Variants in MAP2K5 observed in about 807,000 individuals in gnomAD.
The protein encoded by MAP2K5 is dual specificity mitogen-activated protein kinase kinase 5.
In MAP2K5, 49 loss-of-function variants were observed where a neutral mutation model predicts 83.1. That is an observed-to-expected ratio of 0.59 (90% CI 0.47 to 0.75). MAP2K5 has a LOEUF of 0.75. Ranked by LOEUF, MAP2K5 falls within the 30% of genes least tolerant of loss-of-function variation. The pLI, the probability that MAP2K5 is intolerant of heterozygous loss-of-function variation, is 0.00. For synonymous variants in MAP2K5, 202 were observed against 191.8 expected, an observed-to-expected ratio of 1.05 and a Z score of -0.44; for missense variants, 457 against 557.5, an observed-to-expected ratio of 0.82 and a Z score of 1.82.
Position 67,676,290 on chromosome 15 carries a change from G to A in MAP2K5, c.847+11645G>A, listed in dbSNP as rs1446712890. ...GGTAGAGGAGTTTATGGCATTGATT[G>A]TATGCCAGTGGATATTTGTTGGATG... On this transcript the variant is annotated intron_variant, in intron 13 of 21. Coordinates refer to ENST00000178640, the MANE Select transcript of MAP2K5 (RefSeq NM_145160.3). This position sits in a 1 kb window ranked among gnomAD's most constrained non-coding sequence, Gnocchi z 4.8. Among the ~76,000 whole-genome samples, 3 of 152,202 alleles carry A rather than the reference G, an allele frequency of 2.0e-5. No individual in the cohort carries two copies. Among genetic ancestry groups the A allele is most frequent in the East Asian group, 1.9e-4 (1 of 5,204 alleles).
rs1352330548 is a variant in MAP2K5 at position 67,755,138 on chromosome 15, C to T, written c.1134+6537C>T. On this transcript the variant is annotated intron_variant, in intron 19 of 21. Transcript: ENST00000178640. The surrounding 1 kb of genome is among the most constrained non-coding windows in gnomAD (Gnocchi z 4.7). ...TACAGGTGTGCACCACCACGCCCAG[C>T]TAATTTTTTTGTGTGTTTTTAGTAG... 1.3e-5 allele frequency among the ~76,000 whole-genome samples: 2 copies of T among 152,070 alleles called. No individual in the cohort carries two copies. The highest frequency in any genetic ancestry group is 2.9e-5 in the Non-Finnish European group (2 of 68,012).
chr15:67,598,066 A>G (rs1007969001), intron 7 of MAP2K5, among the ~76,000 whole-genome samples: 21 of 151,914 alleles, frequency 1.4e-4, no homozygotes, highest in Admixed American at 1.2e-3. Context: ...TTAGCCGGGC[A>G]TGGTGGCGTG....
Position 67,790,629 on chromosome 15 carries a change from G to A in MAP2K5, c.1243-16017G>A, listed in dbSNP as rs1256237441. Among the ~76,000 whole-genome samples, 4 of 152,220 alleles carry A rather than the reference G, an allele frequency of 2.6e-5. No homozygotes were observed. The highest frequency in any genetic ancestry group is 5.9e-5 in the Non-Finnish European group (4 of 68,012). On this transcript the variant is annotated intron_variant, in intron 21 of 21. Coordinates refer to ENST00000178640, the MANE Select transcript of MAP2K5 (RefSeq NM_145160.3). This position sits in a 1 kb window ranked among gnomAD's most constrained non-coding sequence, Gnocchi z 4.6. ...GTCTTTAGGGCTGAGGCTCAGAGGA[G>A]GGGCTGCTTACTGAGTGGTGAGGGT...
intron 8 of MAP2K5, among the ~76,000 whole-genome samples, chr15:67,601,714 C>T (rs970196704): frequency 3.3e-5 from 5 of 152,116 alleles, no homozygotes; most frequent in Non-Finnish European, 5.9e-5. Flanking sequence ...TAAAAATTGC[C>T]CTATTCTATG....
chr15:67,713,457 C>T (rs953863704), intron 16 of MAP2K5, among the ~76,000 whole-genome samples: 4 of 152,200 alleles, frequency 2.6e-5, no homozygotes, highest in African/African-American at 7.2e-5. Context: ...TGGCATGGGC[C>T]ATGTGTGGTA....
intron 16 of MAP2K5, among the ~76,000 whole-genome samples, chr15:67,716,753 C>T (rs1391039159): frequency 6.6e-6 from 1 of 152,074 alleles, no homozygotes; most frequent in African/African-American, 2.4e-5. Flanking sequence ...TTCCTCTCTT[C>T]CAAGCTCTTG....
intron 3 of MAP2K5, among the ~76,000 whole-genome samples, chr15:67,567,298 T>C (rs537761560): frequency 3.9e-5 from 6 of 152,296 alleles, no homozygotes; most frequent in African/African-American, 1.4e-4. Context: ...AATATTCCAC[T>C]TCTGGGATCA....
At chr15:67,805,268 G>C (rs1332393250) in intron 21 of MAP2K5, among the ~76,000 whole-genome samples, 5 of 152,220 alleles carry the variant, frequency 3.3e-5, no homozygotes, top group Admixed American at 6.5e-5. Context: ...TGAGAAGGTT[G>C]GGGGCGGGCA....
rs970618706 is a variant in MAP2K5 at position 67,724,887 on chromosome 15, G to C, written c.1045-3029G>C. Among the ~76,000 whole-genome samples, 4 of 152,234 alleles carry C rather than the reference G, an allele frequency of 2.6e-5. No homozygotes were observed. The highest frequency in any genetic ancestry group is 7.2e-5 in the African/African-American group (3 of 41,462). On this transcript the variant is annotated intron_variant, in intron 16 of 21. Coordinates refer to ENST00000178640, the MANE Select transcript of MAP2K5 (RefSeq NM_145160.3). The surrounding 1 kb of genome is among the most constrained non-coding windows in gnomAD (Gnocchi z 4.4). The stretch of plus-strand genomic sequence containing the variant: ...AGCCCAGTGGTGACACTCTGTAAGA[G>C]AGGAAGTGATTGTCATCATGCTGCA...
At chr15:67,712,542 A>G (rs1196782937) in intron 16 of MAP2K5, among the ~76,000 whole-genome samples, 1 of 152,230 alleles carries the variant, frequency 6.6e-6, no homozygotes, top group African/African-American at 2.4e-5. Context: ...TAAAGAGAAA[A>G]TAGTGCACTC....
rs1182460480 is a variant in MAP2K5, at chr15:67,769,701, A to G, written c.1196+38A>G. On this transcript the variant is annotated intron_variant, in intron 20 of 21. Coordinates refer to ENST00000178640, the MANE Select transcript of MAP2K5 (RefSeq NM_145160.3). This position sits in a 1 kb window ranked among gnomAD's most constrained non-coding sequence, Gnocchi z 5.2. ...ACAAACATGCCATGCCCTCAATGTA[A>G]ATGATACATGCCATTAACTCGGCAG... 2 of 1,601,934 alleles carry G rather than the reference A, an allele frequency of 1.2e-6. No individual in the cohort carries two copies. Among genetic ancestry groups the G allele is most frequent in the Admixed American group, 1.7e-5 (1 of 59,900 alleles).
At position 67,801,507 on chromosome 15, in the gene MAP2K5, T is replaced by C. The variant is rs2090706364; in HGVS notation, c.1243-5139T>C. ...AAATGTCTAGAGCAGCCACAGCTTA[T>C]GGAGCCATCTCCCCAGAGAGACACC... On this transcript the variant is annotated intron_variant, in intron 21 of 21. Coordinates refer to ENST00000178640, the MANE Select transcript of MAP2K5 (RefSeq NM_145160.3). This position sits in a 1 kb window ranked among gnomAD's most constrained non-coding sequence, Gnocchi z 4.8. Among the ~76,000 whole-genome samples, 1 of 152,228 alleles carries C rather than the reference T, an allele frequency of 6.6e-6. No homozygotes were observed. Among genetic ancestry groups the C allele is most frequent in the Non-Finnish European group, 1.5e-5 (1 of 68,036 alleles).
At chr15:67,798,697 G>A (rs930591471) in intron 21 of MAP2K5, among the ~76,000 whole-genome samples, 1 of 152,158 alleles carries the variant, frequency 6.6e-6, no homozygotes, top group Admixed American at 6.5e-5. Context: ...TAAGCAATTT[G>A]CTGCTAATAA....
In MAP2K5 at chr15:67,806,811, C is replaced by G; in HGVS notation, c.*61C>G. ...ACCAAGGAGAACAACCCACCCGTCGCCCTTCTCCGTATGCTGCCTGCGCCA... is the reference window on the plus strand; with the variant it reads ...ACCAAGGAGAACAACCCACCCGTCGGCCTTCTCCGTATGCTGCCTGCGCCA... On this transcript the variant is annotated 3_prime_UTR_variant, in exon 22 of 22. Coordinates refer to ENST00000178640, the MANE Select transcript of MAP2K5 (RefSeq NM_145160.3). The G allele has an allele frequency of 6.3e-7, 1 of 1,598,230 alleles. No individual in the cohort carries two copies. The highest frequency in any genetic ancestry group is 8.5e-7 in the Non-Finnish European group (1 of 1,179,300).
chr15:67,670,858 G>A (rs2087515181), intron 13 of MAP2K5, among the ~76,000 whole-genome samples: 1 of 152,182 alleles, frequency 6.6e-6, no homozygotes, highest in South Asian at 2.1e-4. Flanking sequence ...GGCACAATTT[G>A]AAACATCTGG....
intron 19 of MAP2K5, among the ~76,000 whole-genome samples, chr15:67,765,823 C>G (rs1055380076): frequency 6.6e-6 from 1 of 152,124 alleles, no homozygotes; most frequent in African/African-American, 2.4e-5. Context: ...CTGACAAGTG[C>G]TAATAACAAA....
chr15:67,680,127 T>C (rs1299308247), intron 13 of MAP2K5, among the ~76,000 whole-genome samples: 1 of 152,236 alleles, frequency 6.6e-6, no homozygotes, highest in African/African-American at 2.4e-5. Flanking sequence ...TTTTGAGATG[T>C]GTCTGTATTA....
rs997095460 is a variant in MAP2K5 at position 67,748,091 on chromosome 15, G to A, written c.1075-140G>A. The A allele has an allele frequency of 4.9e-6, 3 of 610,326 alleles. No individual in the cohort carries two copies. The highest frequency in any genetic ancestry group is 6.0e-6 in the Non-Finnish European group (2 of 333,638). 37.8% of individuals were successfully genotyped at this position (610,326 alleles called of 1,614,324 possible). ...TGAGAAGCGAGCTATTAACATTTGT[G>A]TATTTTCATTATGTAAATTGTGTTA... On this transcript the variant is annotated intron_variant, in intron 17 of 21. Coordinates refer to ENST00000178640, the MANE Select transcript of MAP2K5 (RefSeq NM_145160.3). The surrounding 1 kb of genome is among the most constrained non-coding windows in gnomAD (Gnocchi z 4.0).
chr15:67,748,376 C>T lies in MAP2K5; in HGVS notation c.1101+119C>T. The T allele has an allele frequency of 2.2e-6, 2 of 924,132 alleles. No homozygotes were observed. The highest frequency in any genetic ancestry group is 3.0e-5 in the South Asian group (2 of 67,394). The allele number at this position is 924,132 out of a possible 1,614,324, so 57.2% of individuals were successfully genotyped here. A position where few individuals can be genotyped will look rare whatever the true frequency, so the allele number is the denominator to read the frequency against. ...ATTGCATTTTGAAGAAAATGCAAAC[C>T]TTTAACTGCCTGTATTAGATTAGGT... On this transcript the variant is annotated intron_variant, in intron 18 of 21. Coordinates refer to ENST00000178640, the MANE Select transcript of MAP2K5 (RefSeq NM_145160.3). This position sits in a 1 kb window ranked among gnomAD's most constrained non-coding sequence, Gnocchi z 4.0.
Sources: allele counts gnomAD v4.1 joint callset (sites outside exome capture counted in the v4.1 genomes callset), GRCh38; gene constraint gnomAD v4.1.1; non-coding constraint Gnocchi (gnomAD v3.1); transcripts MANE v1.5; gene names NCBI Gene and HGNC (gene_info 2026-07-23, HGNC 2026-07-21).